CD46: variants seen among roughly 807,000 people sequenced by gnomAD.
The protein encoded by CD46 is membrane cofactor protein.
Under a neutral mutation model 53.3 loss-of-function variants are expected in CD46, and 30 were observed. The observed-to-expected ratio is 0.56, with a 90% CI of 0.42 to 0.76. CD46 has a LOEUF of 0.76. Ranked by LOEUF, CD46 falls within the 30% of genes least tolerant of loss-of-function variation. The pLI is 0.00. For synonymous variants in CD46, 142 were observed against 152.0 expected (o/e 0.93, Z 0.48); for missense variants, 409 against 463.0 (o/e 0.88, Z 1.07).
intron 8 of CD46, among the ~76,000 whole-genome samples, chr1:207,774,764 A>T (rs1042754109): frequency 6.6e-6 from 1 of 152,220 alleles, no homozygotes; most frequent in African/African-American, 2.4e-5. Flanking sequence ...TGATAGTTGG[A>T]TAGGCTTCCC....
intron 8 of CD46, among the ~76,000 whole-genome samples, chr1:207,780,191 C>T (rs1347452305): frequency 6.6e-6 from 1 of 151,902 alleles, no homozygotes; most frequent in Non-Finnish European, 1.5e-5. Context: ...TCCCCATCAC[C>T]TGATGATAAC....
rs759430396 is a variant in CD46 at position 207,767,097 on chromosome 1, T to G, written c.758T>G (p.Met253Arg). The G allele has an allele frequency of 6.2e-7, 1 of 1,613,702 alleles. No individual in the cohort carries two copies. The highest frequency in any genetic ancestry group is 2.2e-5 in the East Asian group (1 of 44,858). Residue 253 changes from methionine to arginine, a missense_variant, in exon 6 of 13, where the codon ATG becomes AGG. By Grantham distance (91) the Met-to-Arg change is moderately conservative. Transcript: ENST00000367042. ...AAATTTTACTACAAAGCAACAGTTA[T>G]GTTTGAATGCGATAAGGGTTTTTAC... ...GKKFYYKATV[M>R]FECDKGFYLD...
chr1:207,780,985 A>T (rs1183542066), intron 8 of CD46, among the ~76,000 whole-genome samples: 1 of 151,536 alleles, frequency 6.6e-6, no homozygotes, highest in Non-Finnish European at 1.5e-5. Context: ...TAAATAACAA[A>T]CACACCCCTG....
chr1:207,773,877 G>A (rs1159207104), intron 8 of CD46, among the ~76,000 whole-genome samples: 9 of 152,160 alleles, frequency 5.9e-5, no homozygotes, highest in Admixed American at 5.9e-4. Context: ...GGGGTGTAGA[G>A]TTCTGTAGAT....
intron 5 of CD46, among the ~76,000 whole-genome samples, chr1:207,761,777 A>T (rs1319973030): frequency 6.6e-6 from 1 of 152,130 alleles, no homozygotes; most frequent in African/African-American, 2.4e-5. Context: ...CAAGAAATCT[A>T]AGAGTTCTGG....
intron 8 of CD46, among the ~76,000 whole-genome samples, chr1:207,782,626 T>G (rs1157579528): frequency 1.3e-5 from 2 of 151,066 alleles, no homozygotes; most frequent in Non-Finnish European, 2.9e-5. Flanking sequence ...AAGCATTTAT[T>G]TTTATTAATC....
At position 207,757,107 on chromosome 1, in the gene CD46, G is replaced by T. The variant is rs1655633353; in HGVS notation, c.191G>T (p.Cys64Phe). 18 of 1,613,814 alleles carry T rather than the reference G, an allele frequency of 1.1e-5. No homozygotes were observed. Among genetic ancestry groups the T allele is most frequent in the Non-Finnish European group, 1.5e-5 (18 of 1,179,742 alleles). The change falls in exon 2 of 13, where the codon TGT becomes TTT. Residue 64 changes from cysteine to phenylalanine, a missense_variant. Cys to Phe is a radical substitution (Grantham distance 205). Transcript: ENST00000367042. ...ATTGGTGAACGAGTAGATTATAAGT[G>T]TAAAAAAGGATACTTCTATATACCT... is the stretch of plus-strand genomic sequence containing the variant. ...YEIGERVDYK[C>F]KKGYFYIPPL...
At chr1:207,771,981 C>T (rs1387002360) in intron 8 of CD46, among the ~76,000 whole-genome samples, 1 of 152,070 alleles carries the variant, frequency 6.6e-6, no homozygotes, top group African/African-American at 2.4e-5. Context: ...TATAAATTAC[C>T]TTGGGTAGTA....
rs1571563753 is a variant in CD46 at position 207,752,957 on chromosome 1, G to A, written c.97+648G>A. 6.6e-6 allele frequency among the ~76,000 whole-genome samples: 1 copy of A among 152,178 alleles called. No individual in the cohort carries two copies. Among genetic ancestry groups the A allele is most frequent in the East Asian group, 1.9e-4 (1 of 5,168 alleles). ...GCTAGGGAGGGCATGTTGAGTGAGAGCAGGCTCTCGGTGCCTGGGGTTAGA... is the reference window on the plus strand; with the variant it reads ...GCTAGGGAGGGCATGTTGAGTGAGAACAGGCTCTCGGTGCCTGGGGTTAGA... On this transcript the variant is annotated intron_variant, in intron 1 of 12. Coordinates refer to ENST00000367042, the MANE Select transcript of CD46 (RefSeq NM_172351.3). The surrounding 1 kb of genome is among the most constrained non-coding windows in gnomAD (Gnocchi z 4.1).
At position 207,770,343 on chromosome 1, in the gene CD46, T is replaced by A. The variant is rs1657354914; in HGVS notation, c.924T>A (p.Pro308=). 6.2e-7 allele frequency: 1 copy of A among 1,605,356 alleles called. No individual in the cohort carries two copies. The highest frequency in any genetic ancestry group is 1.1e-5 in the South Asian group (1 of 90,756). ...SASGPRPTYK[P]PVSNYPGYPK... is the part of the protein sequence containing the mutation. ...TAGGTCCTAGGCCTACTTACAAGCC[T>A]CCAGTCTCAAATTATCCAGGTTGGT... The change falls in exon 8 of 13, where the codon CCT becomes CCA. Residue 308 remains proline (P), a synonymous_variant. Coordinates refer to ENST00000367042, the MANE Select transcript of CD46 (RefSeq NM_172351.3).
chr1:207,793,517 A>T lies in CD46; in HGVS notation c.*42-2A>T, dbSNP rs1195878110. 6.2e-7 allele frequency: 1 copy of T among 1,611,444 alleles called. No individual in the cohort carries two copies. Among genetic ancestry groups the T allele is most frequent in the East Asian group, 2.2e-5 (1 of 44,852 alleles). Reference sequence around the variant, plus strand: ...ACATGATCTTTATACCTTGGTTTGCAGGAAAGCAGATGGTGGAGCTGAATA... The same window carrying T: ...ACATGATCTTTATACCTTGGTTTGCTGGAAAGCAGATGGTGGAGCTGAATA... On this transcript the variant is annotated splice_acceptor_variant, in intron 12 of 12. Coordinates refer to ENST00000367042, the MANE Select transcript of CD46 (RefSeq NM_172351.3). LOFTEE classifies it low-confidence loss of function (3UTR_SPLICE).
chr1:207,790,596 A>G (rs1659710104), intron 12 of CD46, among the ~76,000 whole-genome samples: 1 of 152,236 alleles, frequency 6.6e-6, no homozygotes, highest in Non-Finnish European at 1.5e-5. Flanking sequence ...TTATCAGACG[A>G]TCTCACTTCT....
In CD46 at chr1:207,759,438, C is replaced by G. The variant is rs182074055; in HGVS notation, c.390-201C>G. Among the ~76,000 whole-genome samples, 28 of 152,238 alleles carry G rather than the reference C, an allele frequency of 1.8e-4. No individual in the cohort carries two copies. The East Asian group carries it at 5.4e-3, about 29-fold the overall frequency. ...TTATTTAGACATCTTTGCTCTTGGC[C>G]AATATATATTCAAATGGGGAAACTC... On this transcript the variant is annotated intron_variant, in intron 3 of 12. Coordinates refer to ENST00000367042, the MANE Select transcript of CD46 (RefSeq NM_172351.3).
chr1:207,770,277 G>C (rs1036907095), intron 7 of CD46, 44 bp from the exon 8 acceptor site: 2 of 1,362,168 alleles, frequency 1.5e-6, no homozygotes, highest in Non-Finnish European at 2.1e-6. Flanking sequence ...ATTTTATATT[G>C]ATAAGGCCCT....
chr1:207,765,020 A>T (rs1311001202), intron 5 of CD46, among the ~76,000 whole-genome samples: 2 of 150,726 alleles, frequency 1.3e-5, no homozygotes, highest in Non-Finnish European at 3.0e-5. Context: ...AATATCCTTG[A>T]TGAACACAGG....
chr1:207,781,675 G>C (rs1310735504), intron 8 of CD46, among the ~76,000 whole-genome samples: 3 of 152,148 alleles, frequency 2.0e-5, no homozygotes, highest in Non-Finnish European at 4.4e-5. Context: ...TTGTAGAAGA[G>C]ACTCCCTTTC....
At position 207,786,932 on chromosome 1, in the gene CD46, G is replaced by T. The variant is rs182314816; in HGVS notation, c.1082+1250G>T. ...ATCCATAAGGTTTGCGTAGAAACAA[G>T]TTCTAAAGAAAACAAAACAAAGTCG... On this transcript the variant is annotated intron_variant, in intron 11 of 12. Coordinates refer to ENST00000367042, the MANE Select transcript of CD46 (RefSeq NM_172351.3). 4.0e-3 allele frequency among the ~76,000 whole-genome samples: 609 copies of T among 152,240 alleles called. 2 individuals carry two copies. Among genetic ancestry groups the T allele is most frequent in the Non-Finnish European group, 6.5e-3 (445 of 67,998 alleles).
At chr1:207,764,147 C>T (rs1404634288) in intron 5 of CD46, among the ~76,000 whole-genome samples, 3 of 152,132 alleles carry the variant, frequency 2.0e-5, no homozygotes, top group Non-Finnish European at 2.9e-5. Flanking sequence ...TTGTGATAGG[C>T]GGTGTTCTGG....
At chr1:207,771,718 G>C (rs995981033) in intron 8 of CD46, among the ~76,000 whole-genome samples, 63 of 152,080 alleles carry the variant, frequency 4.1e-4, no homozygotes, top group African/African-American at 1.4e-3. Context: ...GATGTGAGTT[G>C]TTATTTCTAA....
Sources: gnomAD v4.1 joint callset for allele counts (sites outside exome capture counted in the v4.1 genomes callset) on GRCh38, gnomAD v4.1.1 for gene constraint, Gnocchi (gnomAD v3.1) non-coding constraint, MANE v1.5 for transcripts, NCBI Gene and HGNC (gene_info 2026-07-23, HGNC 2026-07-21) for gene names.